LAMA4: variants seen among roughly 807,000 people sequenced by gnomAD.
The protein encoded by LAMA4 is laminin subunit alpha-4.
Under a neutral mutation model 207.1 loss-of-function variants are expected in LAMA4, and 127 were observed. The ratio of observed to expected loss-of-function variants is 0.61; its 90% CI spans 0.53 to 0.71. The LOEUF (loss-of-function observed/expected upper bound fraction) is 0.71, where lower values mean the gene tolerates loss of function less well. Ranked by LOEUF, LAMA4 falls within the 30% of genes least tolerant of loss-of-function variation. The pLI is 0.00. For missense variants in LAMA4, 2,093 were observed against 2,246.5 expected, an observed-to-expected ratio of 0.93 and a Z score of 1.38; for synonymous variants, 761 against 816.0, an observed-to-expected ratio of 0.93 and a Z score of 1.15.
At chr6:112,216,508 G>A (rs1554358792) in intron 2 of LAMA4, 39 bp from the exon 3 acceptor site, 1 of 1,358,600 alleles carries the variant, frequency 7.4e-7, no homozygotes, top group African/African-American at 1.4e-5. Flanking sequence ...TTATTGAAAA[G>A]ATTGATTTTG....
rs144370984 is a variant in LAMA4 at position 112,208,630 on chromosome 6, A to G, written c.298-1485T>C. 1.2e-3 allele frequency among the ~76,000 whole-genome samples: 179 copies of G among 152,330 alleles called. 1 individual carries two copies. Among genetic ancestry groups the G allele is most frequent in the African/African-American group, 4.2e-3 (173 of 41,570 alleles). On this transcript the variant is annotated intron_variant, in intron 3 of 38. Coordinates refer to ENST00000230538, the MANE Select transcript of LAMA4 (RefSeq NM_001105206.3). ...CTGCTTCTCCAGTAATGTTGAAGAA[A>G]AGGCTTAACAAACAGTAGTAAAATG... is the stretch of plus-strand genomic sequence containing the variant.
At chr6:112,114,433 A>G (rs1248346196) in intron 37 of LAMA4, among the ~76,000 whole-genome samples, 1 of 152,078 alleles carries the variant, frequency 6.6e-6, no homozygotes. Flanking sequence ...TTTTTGCCCT[A>G]TAAGTTATGC....
At chr6:112,125,239 T>C (rs1488746256) in intron 31 of LAMA4, among the ~76,000 whole-genome samples, 2 of 152,076 alleles carry the variant, frequency 1.3e-5, no homozygotes, top group Admixed American at 6.5e-5. Context: ...GAGCTTTTTT[T>C]CCTCTGTGTA....
chr6:112,190,930 T>C (rs1365209458), intron 6 of LAMA4, among the ~76,000 whole-genome samples: 99 of 79,874 alleles, frequency 1.2e-3, no homozygotes, highest in Non-Finnish European at 2.1e-3. Flanking sequence ...TTTCTTTCTT[T>C]CTTTCTTTCT....
chr6:112,200,873 G>A (rs1783703317), intron 5 of LAMA4, among the ~76,000 whole-genome samples: 1 of 151,976 alleles, frequency 6.6e-6, no homozygotes, highest in Admixed American at 6.6e-5. Context: ...CACATACCGG[G>A]GCCTGTCAGT....
chr6:112,156,999 A>G (rs1174048709), intron 14 of LAMA4, among the ~76,000 whole-genome samples: 1 of 152,094 alleles, frequency 6.6e-6, no homozygotes, highest in Admixed American at 6.5e-5. Flanking sequence ...CAATGCAGAC[A>G]TGAAATAAAG....
intron 2 of LAMA4, among the ~76,000 whole-genome samples, chr6:112,231,099 C>A (rs1050107092): frequency 1.3e-5 from 2 of 152,230 alleles, no homozygotes; most frequent in African/African-American, 4.8e-5. Context: ...CTGTCCATCT[C>A]TGCCTTTCCC....
intron 18 of LAMA4, 74 bp from the exon 19 acceptor site, chr6:112,145,007 A>C: frequency 7.7e-7 from 1 of 1,304,942 alleles, no homozygotes; most frequent in Non-Finnish European, 1.1e-6. Context: ...GTAGACAATA[A>C]ACATGGATTA....
chr6:112,252,559 T>C (rs1241612000), intron 2 of LAMA4, among the ~76,000 whole-genome samples: 1 of 152,232 alleles, frequency 6.6e-6, no homozygotes, highest in Non-Finnish European at 1.5e-5. Flanking sequence ...AAATATGTCC[T>C]CTGCAGTATT....
Position 112,150,611 on chromosome 6 carries a change from C to G in LAMA4, c.2073G>C (p.Val691=), listed in dbSNP as rs2114754153. 6.2e-7 allele frequency: 1 copy of G among 1,613,730 alleles called. No homozygotes were observed. Among genetic ancestry groups the G allele is most frequent in the East Asian group, 2.2e-5 (1 of 44,876 alleles). ...CACCCACACGCCTGCTAGTGTCAGC[C>G]ACTGCTTCATCACTGCCTGTGGAAG... ...AKAESSSDEA[V]ADTSRRVGGA... The change falls in exon 17 of 39, where the codon GTG becomes GTC. Residue 691 remains valine, a synonymous_variant. Transcript: ENST00000230538.
At chr6:112,126,245 GT>G (rs1209932232) in intron 31 of LAMA4, among the ~76,000 whole-genome samples, 1 of 152,122 alleles carries the variant, frequency 6.6e-6, no homozygotes, top group Non-Finnish European at 1.5e-5. Context: ...GCTTGAGAAG[GT>G]TGATGTCCCT....
chr6:112,164,080 T>C (rs1442867704), intron 13 of LAMA4: 3 of 152,312 alleles, frequency 2.0e-5, no homozygotes, highest in Non-Finnish European at 4.4e-5. Flanking sequence ...ACTGATAGCA[T>C]GGGAAGTGGG....
intron 26 of LAMA4, 45 bp from the exon 27 acceptor site, chr6:112,133,532 G>A: frequency 6.2e-7 from 1 of 1,610,134 alleles, no homozygotes; most frequent in Non-Finnish European, 8.5e-7. Context: ...TGATGATGAT[G>A]TTACCCTGCA....
In LAMA4 at chr6:112,168,493, C is replaced by CCTGTAATACAGGG. The variant is rs1554340807; in HGVS notation, c.1552-3218_1552-3217insCCCTGTATTACAG. Reference sequence around the variant, plus strand: ...CCCAAGTAGCTGGTATTACAGGTGCCCACCACCATGCCCAGCTAATTTTTG... The same window carrying CCTGTAATACAGGG: ...CCCAAGTAGCTGGTATTACAGGTGCCCTGTAATACAGGGCACCACCATGCCCAGCTAATTTTTG... On this transcript the variant is annotated intron_variant, in intron 12 of 38. Coordinates refer to ENST00000230538, the MANE Select transcript of LAMA4 (RefSeq NM_001105206.3). Among the ~76,000 whole-genome samples the CCTGTAATACAGGG allele has an allele frequency of 3.3e-5, 5 of 151,798 alleles. No individual in the cohort carries two copies. The East Asian group carries it at 9.9e-4, about 30-fold the overall frequency.
In LAMA4 at chr6:112,114,733, G is replaced by A. The variant is rs1777911350; in HGVS notation, c.5136C>T (p.Gly1712=). Residue 1712 remains glycine (G), a synonymous_variant, in exon 37 of 39, where the codon GGC becomes GGT. Coordinates refer to ENST00000230538, the MANE Select transcript of LAMA4 (RefSeq NM_001105206.3). The stretch of plus-strand genomic sequence containing the variant: ...TAACTGAGGTGGAAAAATCTCTGAT[G>A]CCATTATTGACTTTCACTATGACCT... ...NGQVIVKVNN[G]IRDFSTSVTP... 2 of 1,611,504 alleles carry A rather than the reference G, an allele frequency of 1.2e-6. No individual in the cohort carries two copies. The highest frequency in any genetic ancestry group is 8.5e-7 in the Non-Finnish European group (1 of 1,177,916).
chr6:112,146,231 A>C (rs1026021442), intron 18 of LAMA4, among the ~76,000 whole-genome samples: 4 of 152,162 alleles, frequency 2.6e-5, no homozygotes, highest in Non-Finnish European at 5.9e-5. Flanking sequence ...CAGAGGTTGC[A>C]ATGGGCCAAG....
At chr6:112,175,721 C>G (rs1308230777) in intron 10 of LAMA4, among the ~76,000 whole-genome samples, 2 of 152,228 alleles carry the variant, frequency 1.3e-5, no homozygotes, top group Non-Finnish European at 2.9e-5. Context: ...CATGCGGGGT[C>G]TTCAGAATGG....
intron 32 of LAMA4, chr6:112,121,755 C>A: frequency 2.5e-6 from 1 of 398,344 alleles, no homozygotes. Context: ...TCTTCCTTTC[C>A]TTGATTGTCT....
At chr6:112,225,391 AATTAC>A (rs782456860) in intron 2 of LAMA4, among the ~76,000 whole-genome samples, 2 of 152,238 alleles carry the variant, frequency 1.3e-5, no homozygotes, top group Non-Finnish European at 2.9e-5. Context: ...AACACTTTTA[AATTAC>A]ATTAATGTAT....
Sources: gnomAD v4.1 joint callset for allele counts (sites outside exome capture counted in the v4.1 genomes callset) on GRCh38, gnomAD v4.1.1 for gene constraint, MANE v1.5 for transcripts, NCBI Gene and HGNC (gene_info 2026-07-23, HGNC 2026-07-21) for gene names.